The following AKT3 variants were observed in gnomAD, a reference collection of about 807,000 sequenced individuals.
The protein encoded by AKT3 is RAC-gamma serine/threonine-protein kinase.
AKT3 carries 15 observed loss-of-function variants against 65.3 expected under a neutral mutation model. That is an observed-to-expected ratio of 0.23 (90% CI 0.15 to 0.35). The LOEUF (loss-of-function observed/expected upper bound fraction) is 0.35, where lower values mean the gene tolerates loss of function less well. Among genes scored for constraint, AKT3 ranks in the 10% least tolerant of loss-of-function variants. AKT3 has a pLI of 1.00. For synonymous variants in AKT3, 206 were observed against 183.8 expected, an observed-to-expected ratio of 1.12 and a Z score of -0.98; for missense variants, 243 against 576.5, an observed-to-expected ratio of 0.42 and a Z score of 5.92.
At chr1:243,847,954 A>G (rs917744261) in intron 1 of AKT3, among the ~76,000 whole-genome samples, 13 of 152,208 alleles carry the variant, frequency 8.5e-5, no homozygotes, top group African/African-American at 2.7e-4. Flanking sequence ...CTCCAGTAAT[A>G]ATTATGGAAA....
chr1:243,495,940 G>A (rs190091296), downstream of AKT3, among the ~76,000 whole-genome samples: 8 of 152,248 alleles, frequency 5.3e-5, no homozygotes, highest in Middle Eastern at 3.4e-3. Context: ...GCCTGGATTC[G>A]AATCTCAGCT....
At chr1:243,654,742 A>G (rs977519968) in intron 4 of AKT3, among the ~76,000 whole-genome samples, 3 of 152,170 alleles carry the variant, frequency 2.0e-5, no homozygotes, top group African/African-American at 7.2e-5. Flanking sequence ...GAAATATTCC[A>G]TTATTTGGGA....
At chr1:243,603,019 C>A (rs1677123760) in intron 8 of AKT3, among the ~76,000 whole-genome samples, 1 of 152,158 alleles carries the variant, frequency 6.6e-6, no homozygotes, top group Non-Finnish European at 1.5e-5. Flanking sequence ...AACAAAAACA[C>A]CTCCTTAGTC....
At chr1:243,750,496 C>G (rs1425676393) in intron 2 of AKT3, among the ~76,000 whole-genome samples, 1 of 151,912 alleles carries the variant, frequency 6.6e-6, no homozygotes, top group Admixed American at 6.6e-5. Flanking sequence ...TCCTCCACTT[C>G]TGGGCATTTC....
intron 2 of AKT3, among the ~76,000 whole-genome samples, chr1:243,825,495 C>G (rs1371502170): frequency 6.6e-6 from 1 of 152,054 alleles, no homozygotes; most frequent in East Asian, 1.9e-4. Flanking sequence ...GGATAATAAC[C>G]ATTAAAATAT....
At chr1:243,696,135 CTAAT>C (rs974736631) in intron 2 of AKT3, among the ~76,000 whole-genome samples, 19 of 150,758 alleles carry the variant, frequency 1.3e-4, no homozygotes, top group Non-Finnish European at 2.2e-4. Flanking sequence ...TTCTCTTCCA[CTAAT>C]TGTGTCTTTT....
Position 243,505,231 on chromosome 1 carries a change from T to C in AKT3, c.*18A>G. 5.6e-6 allele frequency: 9 copies of C among 1,599,030 alleles called. No individual in the cohort carries two copies. The highest frequency in any genetic ancestry group is 1.1e-5 in the South Asian group (1 of 90,666). On this transcript the variant is annotated 3_prime_UTR_variant, in exon 14 of 14. Coordinates refer to ENST00000673466, the MANE Select transcript of AKT3 (RefSeq NM_005465.7). ...TAATAAATTGAAGATGACAGTGAAG[T>C]AGCAGAATGAAAGAGACTTATTCTC...
chr1:243,565,623 A>T (rs1674101105), intron 9 of AKT3, among the ~76,000 whole-genome samples: 1 of 152,182 alleles, frequency 6.6e-6, no homozygotes, highest in African/African-American at 2.4e-5. Flanking sequence ...TGCACAAATG[A>T]CAATAAGTCT....
intron 2 of AKT3, among the ~76,000 whole-genome samples, chr1:243,834,104 T>C (rs1423739835): frequency 6.6e-6 from 1 of 152,034 alleles, no homozygotes; most frequent in African/African-American, 2.4e-5. Context: ...AGTTCAGCAA[T>C]TTCTCAAAGA....
At position 243,850,072 on chromosome 1, in the gene AKT3, C is replaced by A; in HGVS notation, c.-145G>T. The A allele has an allele frequency of 1.1e-6, 1 of 938,694 alleles. No homozygotes were observed. Among genetic ancestry groups the A allele is most frequent in the Non-Finnish European group, 1.3e-6 (1 of 794,898 alleles). The allele number at this position is 938,694 out of a possible 1,614,324, so 58.1% of individuals were successfully genotyped here. A position where few individuals can be genotyped will look rare whatever the true frequency, so the allele number is the denominator to read the frequency against. On this transcript the variant is annotated 5_prime_UTR_variant, in exon 1 of 14. Coordinates refer to ENST00000673466, the MANE Select transcript of AKT3 (RefSeq NM_005465.7). ...GGCGGCGGCGGCGGTGGCGGCCCCG[C>A]AGCTGCTCGGGCGGCGGCGGAGGAT...
intron 6 of AKT3, among the ~76,000 whole-genome samples, chr1:243,627,877 A>G (rs1343235809): frequency 6.6e-6 from 1 of 152,222 alleles, no homozygotes; most frequent in Non-Finnish European, 1.5e-5. Flanking sequence ...AAACTACCTG[A>G]AAGGACACAT....
At chr1:243,671,868 G>GTCTATC (rs1258479439) in intron 3 of AKT3, among the ~76,000 whole-genome samples, 1 of 152,156 alleles carries the variant, frequency 6.6e-6, no homozygotes, top group Non-Finnish European at 1.5e-5. Flanking sequence ...TTTATTCCAA[G>GTCTATC]TCTATCTCAA....
intron 2 of AKT3, among the ~76,000 whole-genome samples, chr1:243,807,607 G>A (rs991834671): frequency 1.7e-4 from 26 of 152,330 alleles, no homozygotes; most frequent in African/African-American, 6.3e-4. Flanking sequence ...ACCTCTGGGG[G>A]CAAGGCATAG....
chr1:243,499,615 A>ATAAT (rs1414933992), downstream of AKT3: 40 of 731,544 alleles, frequency 5.5e-5, no homozygotes, highest in African/African-American at 1.2e-4. Flanking sequence ...AACTTTTCAT[A>ATAAT]TAATTTCCAC....
intron 9 of AKT3, among the ~76,000 whole-genome samples, chr1:243,570,810 T>G (rs1301608196): frequency 6.6e-6 from 1 of 152,210 alleles, no homozygotes; most frequent in African/African-American, 2.4e-5. Context: ...AACTATATAC[T>G]TAGGTCTTTA....
At chr1:243,533,041 C>T (rs1671651571) in intron 12 of AKT3, among the ~76,000 whole-genome samples, 1 of 151,968 alleles carries the variant, frequency 6.6e-6, no homozygotes, top group Non-Finnish European at 1.5e-5. Flanking sequence ...CTTTTTCCTC[C>T]TTAGTCAATC....
At chr1:243,711,687 T>C (rs1686168290) in intron 2 of AKT3, among the ~76,000 whole-genome samples, 1 of 152,234 alleles carries the variant, frequency 6.6e-6, no homozygotes, top group Non-Finnish European at 1.5e-5. Context: ...ATTCTAAATA[T>C]ATTATCTCAT....
intron 2 of AKT3, among the ~76,000 whole-genome samples, chr1:243,788,136 T>C (rs149925186): frequency 6.7e-4 from 102 of 152,304 alleles, no homozygotes; most frequent in Non-Finnish European, 1.0e-3. Flanking sequence ...ACCTACCTGC[T>C]AATGATGTAC....
chr1:243,821,517 G>A (rs1035802227), intron 2 of AKT3, among the ~76,000 whole-genome samples: 2 of 152,168 alleles, frequency 1.3e-5, no homozygotes, highest in African/African-American at 4.8e-5. Context: ...AGACCCATCA[G>A]TGTGCTGTAT....
Sources: gnomAD v4.1 joint callset for allele counts (sites outside exome capture counted in the v4.1 genomes callset) on GRCh38, gnomAD v4.1.1 for gene constraint, MANE v1.5 for transcripts, NCBI Gene and HGNC (gene_info 2026-07-23, HGNC 2026-07-21) for gene names.